Variants in SHISA9 observed in about 807,000 individuals in gnomAD.
SHISA9 encodes shisa family member 9.
Under a neutral mutation model 38.0 loss-of-function variants are expected in SHISA9, and 13 were observed. The observed-to-expected ratio is 0.34, with a 90% confidence interval of 0.22 to 0.54. The LOEUF (loss-of-function observed/expected upper bound fraction) is 0.54. Ranked by LOEUF, SHISA9 falls within the 20% of genes least tolerant of loss-of-function variation. The probability of loss-of-function intolerance (pLI) is 0.91; values close to 1 mark genes in which losing one functional copy is unlikely to be tolerated. For missense variants in SHISA9, 538 were observed against 575.8 expected, an observed-to-expected ratio of 0.93 and a Z score of 0.67; for synonymous variants, 275 against 242.0, an observed-to-expected ratio of 1.14 and a Z score of -1.27.
the SHISA9 span, among the ~76,000 whole-genome samples, chr16:13,434,412 A>G: frequency 9.9e-4 from 63 of 63,728 alleles, no homozygotes; most frequent in Non-Finnish European, 1.8e-3. Flanking sequence ...TGTGTTAGAC[A>G]AGCTATGTTT....
intron 2 of SHISA9, among the ~76,000 whole-genome samples, chr16:12,941,320 C>T (rs950439317): frequency 6.6e-6 from 1 of 152,048 alleles, no homozygotes; most frequent in African/African-American, 2.4e-5. Context: ...CACTGCTCTC[C>T]AGCCTGGGCA....
chr16:13,529,951 G>A, the SHISA9 span, among the ~76,000 whole-genome samples: 1 of 152,324 alleles, frequency 6.6e-6, no homozygotes, highest in African/African-American at 2.4e-5. Context: ...TGAGACAAGA[G>A]CAGAAGCTTA....
At chr16:13,368,621 G>A in the SHISA9 span, among the ~76,000 whole-genome samples, 3 of 151,892 alleles carry the variant, frequency 2.0e-5, no homozygotes, top group Admixed American at 6.6e-5. Flanking sequence ...ATGATGGGGT[G>A]TGCTGTATTG....
the SHISA9 span, among the ~76,000 whole-genome samples, chr16:13,280,039 T>G: frequency 6.6e-6 from 1 of 151,648 alleles, no homozygotes; most frequent in Non-Finnish European, 1.5e-5. Flanking sequence ...TACTCTGCTT[T>G]AAATATTCAT....
chr16:13,513,597 C>T, the SHISA9 span, among the ~76,000 whole-genome samples: 2 of 152,174 alleles, frequency 1.3e-5, no homozygotes, highest in African/African-American at 4.8e-5. Context: ...AAATGCCCAT[C>T]AGTGATAGAC....
chr16:13,270,123 G>A, the SHISA9 span, among the ~76,000 whole-genome samples: 3 of 152,130 alleles, frequency 2.0e-5, no homozygotes, highest in African/African-American at 4.8e-5. Flanking sequence ...CTTGCTCACC[G>A]GACTCCAACA....
Position 13,235,096 on chromosome 16 carries a change from A to T in SHISA9, c.962A>T (p.Asn321Ile), listed in dbSNP as rs2051368735. Residue 321 changes from asparagine to isoleucine, a missense_variant, in exon 5 of 5, where the codon AAC (asparagine) becomes ATC (isoleucine). Physicochemically the swap from Asn to Ile is moderately radical, Grantham distance 149. This residue lies in a region of SHISA9 where 326 missense variants were observed against 305.9 expected (regional missense o/e 1.07). Coordinates refer to ENST00000558583, the MANE Select transcript of SHISA9 (RefSeq NM_001145204.3). ...CTGGCTGAGCTGGCTGCCAAGGGGA[A>T]CTTACCTCTGCACCCCGTAAGAGTG... ...RHLAELAAKG[N>I]LPLHPVRVED... The T allele has an allele frequency of 6.4e-7, 1 of 1,551,450 alleles. No homozygotes were observed. Among genetic ancestry groups the T allele is most frequent in the South Asian group, 1.2e-5 (1 of 84,038 alleles).
At chr16:13,262,460 C>A in the SHISA9 span, among the ~76,000 whole-genome samples, 73 of 152,312 alleles carry the variant, frequency 4.8e-4, 1 homozygote, top group East Asian at 0.012. Context: ...TATCAGAAGG[C>A]TTATCAGGTT....
intron 2 of SHISA9, among the ~76,000 whole-genome samples, chr16:13,090,528 G>C (rs2073763386): frequency 6.6e-6 from 1 of 152,172 alleles, no homozygotes; most frequent in East Asian, 1.9e-4. Context: ...AGCTCTTCTT[G>C]TTTAATTGAT....
At chr16:13,428,911 G>T in the SHISA9 span, among the ~76,000 whole-genome samples, 1 of 151,968 alleles carries the variant, frequency 6.6e-6, no homozygotes, top group Non-Finnish European at 1.5e-5. Context: ...GATTACAGGT[G>T]CATGCCACCA....
intron 2 of SHISA9, among the ~76,000 whole-genome samples, chr16:13,027,195 T>C (rs2072933323): frequency 6.6e-6 from 1 of 152,252 alleles, no homozygotes. Flanking sequence ...TTGGAAATTC[T>C]GTCCAACATT....
chr16:13,136,396 C>CTTTTTTTTTT (rs35122409), intron 2 of SHISA9, among the ~76,000 whole-genome samples: 12 of 68,088 alleles, frequency 1.8e-4, no homozygotes, highest in African/African-American at 3.8e-4. Context: ...CAGTTTCCTT[C>CTTTTTTTTTT]TTTTTTTTTT....
chr16:13,479,332 A>T, the SHISA9 span, among the ~76,000 whole-genome samples: 1 of 152,180 alleles, frequency 6.6e-6, no homozygotes, highest in Non-Finnish European at 1.5e-5. Context: ...TAGCATATTC[A>T]TAGGTCTGGG....
the SHISA9 span, among the ~76,000 whole-genome samples, chr16:13,524,892 T>A: frequency 1.2e-3 from 176 of 152,250 alleles, no homozygotes; most frequent in Non-Finnish European, 1.9e-3. Context: ...CTCAGCAGCA[T>A]CCCTGGCCTC....
At chr16:12,969,465 G>T (rs538541214) in intron 2 of SHISA9, among the ~76,000 whole-genome samples, 3 of 151,708 alleles carry the variant, frequency 2.0e-5, no homozygotes, top group Admixed American at 6.6e-5. Context: ...TTCTCCAGGC[G>T]GGGTGCAGTG....
At chr16:13,476,138 G>T in the SHISA9 span, among the ~76,000 whole-genome samples, 5 of 152,164 alleles carry the variant, frequency 3.3e-5, no homozygotes, top group African/African-American at 9.6e-5. Context: ...TGACCCTTCT[G>T]GTCTTAAAGC....
At chr16:12,942,235 C>T (rs2071621274) in intron 2 of SHISA9, among the ~76,000 whole-genome samples, 1 of 152,194 alleles carries the variant, frequency 6.6e-6, no homozygotes, top group Non-Finnish European at 1.5e-5. Context: ...CTTGTATTTC[C>T]CTCCTCGGGA....
intron 2 of SHISA9, among the ~76,000 whole-genome samples, chr16:13,150,726 C>A (rs148598025): frequency 1.6e-3 from 251 of 152,278 alleles, no homozygotes; most frequent in African/African-American, 5.9e-3. Context: ...ACCACCCCTG[C>A]AAGCAGTAAT....
the SHISA9 span, among the ~76,000 whole-genome samples, chr16:13,343,671 A>G: frequency 6.6e-6 from 1 of 152,176 alleles, no homozygotes; most frequent in Admixed American, 6.5e-5. Context: ...CCTGAAAGCC[A>G]TTTCTTTCAG....
Sources: allele counts gnomAD v4.1 joint callset (sites outside exome capture counted in the v4.1 genomes callset), GRCh38; gene constraint gnomAD v4.1.1; regional missense constraint gnomAD v4.1.1; transcripts MANE v1.5; gene names NCBI Gene and HGNC (gene_info 2026-07-23, HGNC 2026-07-21).